Variants in LPAR2 observed in about 807,000 individuals in gnomAD.
The protein encoded by LPAR2 is G protein-coupled receptor.
A neutral mutation model predicts 15.6 loss-of-function variants in LPAR2; 10 were observed. The observed-to-expected ratio is 0.64, with a 90% CI of 0.39 to 1.09. The LOEUF (loss-of-function observed/expected upper bound fraction) is 1.09, where lower values mean the gene tolerates loss of function less well. Among genes scored for constraint, LPAR2 ranks in the 50% least tolerant of loss-of-function variants. The probability of loss-of-function intolerance (pLI) is 0.01; values close to 1 mark genes in which losing one functional copy is unlikely to be tolerated. For synonymous variants in LPAR2, 204 were observed against 207.4 expected, an observed-to-expected ratio of 0.98 and a Z score of 0.14; for missense variants, 413 against 484.6, an observed-to-expected ratio of 0.85 and a Z score of 1.39.
At chr19:19,625,803 A>T (rs1441847654) in intron 2 of LPAR2, among the ~76,000 whole-genome samples, 1 of 149,900 alleles carries the variant, frequency 6.7e-6, no homozygotes, top group African/African-American at 2.4e-5. Flanking sequence ...AAAAAAAATT[A>T]AAAATACATA....
intron 2 of LPAR2, among the ~76,000 whole-genome samples, chr19:19,624,789 T>G (rs1222726635): frequency 1.4e-5 from 2 of 143,698 alleles, no homozygotes; most frequent in Admixed American, 7.1e-5. Flanking sequence ...ACTGGACATT[T>G]TGTGTGTGTG....
chr19:19,624,693 G>T, intron 2 of LPAR2, 124 bp from the exon 3 acceptor site: 1 of 728,474 alleles, frequency 1.4e-6, no homozygotes. Flanking sequence ...CAGTGCAAGA[G>T]CTGCTTGTTT....
chr19:19,624,835 G>GTGTGTGTGT (rs1555743034), intron 2 of LPAR2, among the ~76,000 whole-genome samples: 2 of 149,088 alleles, frequency 1.3e-5, no homozygotes, highest in South Asian at 2.1e-4. Context: ...GTGTGTGTGA[G>GTGTGTGTGT]ATGGAGTCTC....
chr19:19,625,506 C>T (rs936060756), intron 2 of LPAR2, among the ~76,000 whole-genome samples: 1 of 151,794 alleles, frequency 6.6e-6, no homozygotes, highest in South Asian at 2.1e-4. Context: ...AAATATGGGC[C>T]GGGCGTGGTG....
rs2144812537 is a variant in LPAR2 at position 19,624,157 on chromosome 19, G to A, written c.*99C>T. 3 of 1,239,718 alleles carry A rather than the reference G, an allele frequency of 2.4e-6. No homozygotes were observed. The highest frequency in any genetic ancestry group is 2.7e-5 in the South Asian group (2 of 73,784). The allele number at this position is 1,239,718 out of a possible 1,614,324, so 76.8% of individuals were successfully genotyped here. Reference sequence around the variant, plus strand: ...TGCCATGCCAGACCTTGTCCTGCCAGTCAGTCAGTCCTGTTGGTTGGGTTG... The same window carrying A: ...TGCCATGCCAGACCTTGTCCTGCCAATCAGTCAGTCCTGTTGGTTGGGTTG... On this transcript the variant is annotated 3_prime_UTR_variant, in exon 3 of 3. Coordinates refer to ENST00000407877, the MANE Select transcript of LPAR2 (RefSeq NM_004720.7).
rs1341158433 is a variant in LPAR2 at position 19,626,156 on chromosome 19, T to C, written c.742+387A>G. Among the ~76,000 whole-genome samples, 3 of 152,176 alleles carry C rather than the reference T, an allele frequency of 2.0e-5. No homozygotes were observed. Among genetic ancestry groups the C allele is most frequent in the African/African-American group, 7.2e-5 (3 of 41,446 alleles). ...CCTCGGCCTCCCAAAGTGCTGGGAT[T>C]ACAGGCGTGAGCCACTGTGCCCGGC... On this transcript the variant is annotated intron_variant, in intron 2 of 2. Transcript: ENST00000407877. The surrounding 1 kb of genome is among the most constrained non-coding windows in gnomAD (Gnocchi z 5.3).
rs139081505 is a variant in LPAR2 at position 19,624,353 on chromosome 19, C to T, written c.959G>A (p.Arg320His). 1.7e-5 allele frequency: 27 copies of T among 1,614,068 alleles called. No homozygotes were observed. Among genetic ancestry groups the T allele is most frequent in the South Asian group, 3.3e-5 (3 of 91,080 alleles). Residue 320 changes from arginine (R) to histidine (H), a missense_variant, in exon 3 of 3, where the codon CGC (arginine) becomes CAC (histidine). Arg to His is a conservative substitution (Grantham distance 29). Transcript: ENST00000407877. Reference sequence around the variant, plus strand: ...AGAGGATGTATAGTGGACAGACTCGCGGGTGGACTGGCGGAGGCACGCGCA... The same window carrying T: ...AGAGGATGTATAGTGGACAGACTCGTGGGTGGACTGGCGGAGGCACGCGCA...
At position 19,627,076 on chromosome 19, in the gene LPAR2, A is replaced by C. The variant is rs1599394295; in HGVS notation, c.209T>G (p.Leu70Arg). 6.2e-7 allele frequency: 1 copy of C among 1,613,608 alleles called. No individual in the cohort carries two copies. Among genetic ancestry groups the C allele is most frequent in the Non-Finnish European group, 8.5e-7 (1 of 1,179,910 alleles). Residue 70 changes from leucine to arginine, a missense_variant, in exon 2 of 3, where the codon CTG becomes CGG. Leu to Arg is a moderately radical substitution (Grantham distance 102, BLOSUM62 -2). Transcript: ENST00000407877. This position sits in a 1 kb window ranked among gnomAD's most constrained non-coding sequence, Gnocchi z 4.7. Reference sequence around the variant, plus strand: ...GTCAGCCGCGGCCAGATTGCCGAGCAGGTAGTAGATGGGCTGGTGGAAGCG... The same window carrying C: ...GTCAGCCGCGGCCAGATTGCCGAGCCGGTAGTAGATGGGCTGGTGGAAGCG...
rs567077473 is a variant in LPAR2, at chr19:19,627,524, C to T, written c.1-240G>A. 40 of 523,218 alleles carry T rather than the reference C, an allele frequency of 7.6e-5. 1 individual carries two copies. The highest frequency in any genetic ancestry group is 6.9e-4 in the African/African-American group (36 of 52,424). The allele number at this position is 523,218 out of a possible 1,614,324, so 32.4% of individuals were successfully genotyped here. ...TAAGACCTGTGTGCAAGACATCACC[C>T]AAGTCAATAGGTTTTTGAACCAGAA... On this transcript the variant is annotated intron_variant, in intron 1 of 2. Coordinates refer to ENST00000407877, the MANE Select transcript of LPAR2 (RefSeq NM_004720.7). The surrounding 1 kb of genome is among the most constrained non-coding windows in gnomAD (Gnocchi z 4.7).
Position 19,627,491 on chromosome 19 carries a change from C to T in LPAR2, c.1-207G>A. 1 of 587,126 alleles carries T rather than the reference C, an allele frequency of 1.7e-6. No individual in the cohort carries two copies. The highest frequency in any genetic ancestry group is 3.0e-6 in the Non-Finnish European group (1 of 329,288). 36.4% of individuals were successfully genotyped at this position (587,126 alleles called of 1,614,324 possible). A position where few individuals can be genotyped will look rare whatever the true frequency, so the allele number is the denominator to read the frequency against. On this transcript the variant is annotated intron_variant, in intron 1 of 2. Transcript: ENST00000407877. This position sits in a 1 kb window ranked among gnomAD's most constrained non-coding sequence, Gnocchi z 4.7. ...GAGGTGGAGGAGCAGCTGTTTCTTA[C>T]CTACTAATAAGACCTGTGTGCAAGA...
At chr19:19,625,969 C>T (rs1232729184) in intron 2 of LPAR2, among the ~76,000 whole-genome samples, 26 of 147,146 alleles carry the variant, frequency 1.8e-4, no homozygotes, top group African/African-American at 6.0e-4. Context: ...CCACAACCTC[C>T]GCCTCCTGGG....
rs2061738390 is a variant in LPAR2, at chr19:19,626,040, T to C, written c.742+503A>G. ...CTGGGATTACAGGCACACACCACCA[T>C]ACCTGGCTAATTTTGCATTTTTAGT... is the stretch of plus-strand genomic sequence containing the variant. On this transcript the variant is annotated intron_variant, in intron 2 of 2. Coordinates refer to ENST00000407877, the MANE Select transcript of LPAR2 (RefSeq NM_004720.7). This position sits in a 1 kb window ranked among gnomAD's most constrained non-coding sequence, Gnocchi z 5.3. 6.6e-6 allele frequency among the ~76,000 whole-genome samples: 1 copy of C among 151,682 alleles called. No individual in the cohort carries two copies. Among genetic ancestry groups the C allele is most frequent in the South Asian group, 2.1e-4 (1 of 4,802 alleles).
Position 19,626,462 on chromosome 19 carries a change from T to C in LPAR2, c.742+81A>G. The C allele has an allele frequency of 6.7e-7, 1 of 1,492,318 alleles. No homozygotes were observed. Among genetic ancestry groups the C allele is most frequent in the Non-Finnish European group, 9.0e-7 (1 of 1,109,232 alleles). 92.4% of individuals were successfully genotyped at this position (1,492,318 alleles called of 1,614,324 possible). On this transcript the variant is annotated intron_variant, in intron 2 of 2. Coordinates refer to ENST00000407877, the MANE Select transcript of LPAR2 (RefSeq NM_004720.7). This position sits in a 1 kb window ranked among gnomAD's most constrained non-coding sequence, Gnocchi z 5.3. ...CCCCATCACCCTCTATCAGGTAGCTTGTTTTGTTCATTGCTTCGCAGTGTC... is the reference window on the plus strand; with the variant it reads ...CCCCATCACCCTCTATCAGGTAGCTCGTTTTGTTCATTGCTTCGCAGTGTC...
Position 19,627,404 on chromosome 19 carries a change from C to T in LPAR2, c.1-120G>A. On this transcript the variant is annotated intron_variant, in intron 1 of 2. Coordinates refer to ENST00000407877, the MANE Select transcript of LPAR2 (RefSeq NM_004720.7). The surrounding 1 kb of genome is among the most constrained non-coding windows in gnomAD (Gnocchi z 4.7). ...GGTCTCAAATTCAGATACCTCGAAG[C>T]AAAGTGGCAGTGGTGAGGACTACGG... The T allele has an allele frequency of 1.9e-6, 2 of 1,042,962 alleles. No individual in the cohort carries two copies. The highest frequency in any genetic ancestry group is 1.4e-6 in the Non-Finnish European group (1 of 713,390). 64.6% of individuals were successfully genotyped at this position (1,042,962 alleles called of 1,614,324 possible).
chr19:19,626,900 G>T lies in LPAR2; in HGVS notation c.385C>A (p.Arg129=). The T allele has an allele frequency of 6.3e-7, 1 of 1,598,660 alleles. No homozygotes were observed. Among genetic ancestry groups the T allele is most frequent in the Non-Finnish European group, 8.5e-7 (1 of 1,173,564 alleles). ...TGCACGGCCATCACACTGCGGTGCC[G>T]CTCCACGGCGATGGCCAGCAGTGTG... Residue 129 remains arginine (R), a synonymous_variant, in exon 2 of 3, where the codon CGG becomes AGG. Transcript: ENST00000407877. This position sits in a 1 kb window ranked among gnomAD's most constrained non-coding sequence, Gnocchi z 5.3.
chr19:19,624,832 T>TGTGTGA (rs1428779891), intron 2 of LPAR2, among the ~76,000 whole-genome samples: 10 of 146,816 alleles, frequency 6.8e-5, no homozygotes, highest in African/African-American at 2.3e-4. Context: ...TGTGTGTGTG[T>TGTGTGA]GAGATGGAGT....
rs2061728284 is a variant in LPAR2 at position 19,624,229 on chromosome 19, G to C, written c.*27C>G. On this transcript the variant is annotated 3_prime_UTR_variant, in exon 3 of 3. Coordinates refer to ENST00000407877, the MANE Select transcript of LPAR2 (RefSeq NM_004720.7). ...ATCAGGGGCTGTGGATTTGTTGCTT[G>C]CCGCGTACCGCTGAAGTTCAAGGTA... is the stretch of plus-strand genomic sequence containing the variant. 6.3e-7 allele frequency: 1 copy of C among 1,575,614 alleles called. No homozygotes were observed. Among genetic ancestry groups the C allele is most frequent in the Non-Finnish European group, 8.6e-7 (1 of 1,156,840 alleles).
Position 19,626,992 on chromosome 19 carries a change from C to A in LPAR2, c.293G>T (p.Arg98Leu), listed in dbSNP as rs769991960. 2.5e-6 allele frequency: 4 copies of A among 1,613,318 alleles called. No individual in the cohort carries two copies. The South Asian group carries it at 3.3e-5, about 13-fold the overall frequency. Residue 98 changes from arginine to leucine, a missense_variant, in exon 2 of 3, where the codon CGA (arginine) becomes CTA (leucine). Coordinates refer to ENST00000407877, the MANE Select transcript of LPAR2 (RefSeq NM_004720.7). The surrounding 1 kb of genome is among the most constrained non-coding windows in gnomAD (Gnocchi z 5.3). Reference sequence around the variant, plus strand: ...CAGGAACCAGCCCTCAAGTGAAAGTCGGGCTGTGCGGGGACCAGTGTGGAA... The same window carrying A: ...CAGGAACCAGCCCTCAAGTGAAAGTAGGGCTGTGCGGGGACCAGTGTGGAA...
Position 19,626,951 on chromosome 19 carries a change from C to T in LPAR2, c.334G>A (p.Asp112Asn). ...GCCACCGACGCAGTGAGGCTTGTGT[C>T]CAGCAAGCCCTGCCGCAGGAACCAG... The change falls in exon 2 of 3, where the codon GAC becomes AAC. Residue 112 changes from aspartate to asparagine, a missense_variant. Coordinates refer to ENST00000407877, the MANE Select transcript of LPAR2 (RefSeq NM_004720.7). This position sits in a 1 kb window ranked among gnomAD's most constrained non-coding sequence, Gnocchi z 5.3. The T allele has an allele frequency of 6.2e-7, 1 of 1,609,412 alleles. No homozygotes were observed. The highest frequency in any genetic ancestry group is 8.5e-7 in the Non-Finnish European group (1 of 1,178,422).
Sources: allele counts gnomAD v4.1 joint callset (sites outside exome capture counted in the v4.1 genomes callset), GRCh38; gene constraint gnomAD v4.1.1; non-coding constraint Gnocchi (gnomAD v3.1); transcripts MANE v1.5; gene names NCBI Gene and HGNC (gene_info 2026-07-23, HGNC 2026-07-21).